The following DAB1 variants were observed in gnomAD, a reference collection of about 807,000 sequenced individuals.
DAB1 encodes disabled homolog 1.
In DAB1, 15 loss-of-function variants were observed where a neutral mutation model predicts 64.6. The observed-to-expected ratio is 0.23, with a 90% CI of 0.16 to 0.36. The LOEUF (loss-of-function observed/expected upper bound fraction) is 0.36, where lower values mean the gene tolerates loss of function less well. DAB1 is among the 10% of genes least tolerant of loss of function. DAB1 has a pLI of 1.00. For synonymous variants in DAB1, 235 were observed against 251.9 expected (o/e 0.93, Z 0.64); for missense variants, 596 against 706.7 (o/e 0.84, Z 1.78).
intron 3 of DAB1, among the ~76,000 whole-genome samples, chr1:58,460,501 G>A (rs1645233831): frequency 6.6e-6 from 1 of 152,168 alleles, no homozygotes; most frequent in African/African-American, 2.4e-5. Context: ...CTGAATTCCT[G>A]TCTCCCTTCC....
At chr1:57,317,162 C>A (rs1675283422) in intron 1 of DAB1, among the ~76,000 whole-genome samples, 1 of 152,106 alleles carries the variant, frequency 6.6e-6, no homozygotes, top group Non-Finnish European at 1.5e-5. Flanking sequence ...GGCAAACAGC[C>A]TAAGAAGAAC....
At chr1:57,303,896 T>G (rs766066015) in intron 1 of DAB1, among the ~76,000 whole-genome samples, 13 of 152,164 alleles carry the variant, frequency 8.5e-5, no homozygotes, top group Admixed American at 4.6e-4. Context: ...AACTCCCCCC[T>G]GCCTTACTGC....
At chr1:58,489,058 C>A (rs986808478) in intron 3 of DAB1, among the ~76,000 whole-genome samples, 3 of 152,220 alleles carry the variant, frequency 2.0e-5, no homozygotes, top group African/African-American at 7.2e-5. Context: ...AACTGAGGTA[C>A]TGGGTGCATC....
At chr1:58,126,276 C>T (rs1300913170) in intron 5 of DAB1, among the ~76,000 whole-genome samples, 1 of 152,160 alleles carries the variant, frequency 6.6e-6, no homozygotes, top group Admixed American at 6.5e-5. Flanking sequence ...CACACCAGCC[C>T]CTCAATACTT....
chr1:58,222,537 C>A (rs1360425820), intron 4 of DAB1, among the ~76,000 whole-genome samples: 1 of 152,236 alleles, frequency 6.6e-6, no homozygotes, highest in African/African-American at 2.4e-5. Flanking sequence ...CAATACCTTA[C>A]AATTTGTGAA....
intron 1 of DAB1, among the ~76,000 whole-genome samples, chr1:57,834,259 T>C (rs1033395481): frequency 2.0e-5 from 3 of 151,876 alleles, no homozygotes; most frequent in African/African-American, 7.2e-5. Flanking sequence ...TTTAAGGAAA[T>C]AAAAATTTTG....
In DAB1 at chr1:57,281,356, T is replaced by C. The variant is rs536039890; in HGVS notation, c.67+9608A>G. Among the ~76,000 whole-genome samples the C allele has an allele frequency of 5.9e-5, 9 of 152,204 alleles. No homozygotes were observed. The East Asian group carries it at 1.7e-3, about 29-fold the overall frequency. On this transcript the variant is annotated intron_variant, in intron 2 of 14. Transcript: ENST00000371236. Reference sequence around the variant, plus strand: ...TTCTGGAGAAAAGTAATCTTTAACTTGAGACTAAAGAATACATGGAGTTAG... The same window carrying C: ...TTCTGGAGAAAAGTAATCTTTAACTCGAGACTAAAGAATACATGGAGTTAG...
At chr1:57,186,652 C>A (rs562491289) in intron 2 of DAB1, among the ~76,000 whole-genome samples, 3 of 152,150 alleles carry the variant, frequency 2.0e-5, no homozygotes, top group African/African-American at 4.8e-5. Context: ...CTGAAATGCA[C>A]GCGTCAGCAT....
intron 7 of DAB1, among the ~76,000 whole-genome samples, chr1:57,577,492 C>T (rs554099698): frequency 6.5e-4 from 98 of 151,864 alleles, no homozygotes; most frequent in African/African-American, 2.3e-3. Context: ...AATTGATTAC[C>T]GAACACTAAA....
At chr1:58,326,367 T>C (rs560347274) in intron 4 of DAB1, among the ~76,000 whole-genome samples, 1 of 152,240 alleles carries the variant, frequency 6.6e-6, no homozygotes, top group Admixed American at 6.5e-5. Context: ...GCCAGGTTGA[T>C]TGAGTGCAGG....
At chr1:57,820,686 C>T (rs1172725839) in intron 6 of DAB1, among the ~76,000 whole-genome samples, 1 of 152,166 alleles carries the variant, frequency 6.6e-6, no homozygotes, top group Non-Finnish European at 1.5e-5. Flanking sequence ...TGTTACACAG[C>T]TTGCCTTTCC....
intron 4 of DAB1, among the ~76,000 whole-genome samples, chr1:58,268,582 A>C (rs1661231876): frequency 6.6e-6 from 1 of 152,192 alleles, no homozygotes; most frequent in Non-Finnish European, 1.5e-5. Flanking sequence ...ATATATATAA[A>C]GCCCCTGATT....
At chr1:58,116,774 A>G (rs551103808) in intron 5 of DAB1, among the ~76,000 whole-genome samples, 7 of 152,330 alleles carry the variant, frequency 4.6e-5, no homozygotes, top group African/African-American at 1.7e-4. Flanking sequence ...AACATCATGA[A>G]AAAAGAATAA....
intron 7 of DAB1, among the ~76,000 whole-genome samples, chr1:57,478,603 T>TC (rs1280208359): frequency 4.9e-5 from 7 of 142,330 alleles, no homozygotes; most frequent in Admixed American, 2.8e-4. Context: ...TTTTTTTTTT[T>TC]TTTTTTTGAG....
At chr1:58,050,034 T>C (rs911976544) in intron 5 of DAB1, among the ~76,000 whole-genome samples, 14 of 152,142 alleles carry the variant, frequency 9.2e-5, no homozygotes, top group African/African-American at 3.4e-4. Context: ...ACCATAACAA[T>C]GAGTAGAGAT....
chr1:58,505,718 C>T (rs910309465), intron 3 of DAB1, among the ~76,000 whole-genome samples: 2 of 152,064 alleles, frequency 1.3e-5, no homozygotes, highest in African/African-American at 4.8e-5. Context: ...AAGCTTAAAT[C>T]ACCAAGGAAA....
intron 2 of DAB1, among the ~76,000 whole-genome samples, chr1:58,526,982 AACTG>A (rs1329820652): frequency 1.3e-5 from 2 of 152,176 alleles, no homozygotes; most frequent in Non-Finnish European, 2.9e-5. Context: ...TCCAATCAAG[AACTG>A]ACTTTCTTTT....
At chr1:57,638,185 T>A (rs1244793118) in intron 7 of DAB1, among the ~76,000 whole-genome samples, 1 of 152,226 alleles carries the variant, frequency 6.6e-6, no homozygotes, top group Admixed American at 6.5e-5. Flanking sequence ...AGAATATGTT[T>A]AGATTAGTTT....
chr1:57,962,615 T>C (rs1353554063), intron 5 of DAB1, among the ~76,000 whole-genome samples: 2 of 152,158 alleles, frequency 1.3e-5, no homozygotes, highest in East Asian at 3.9e-4. Context: ...CTTGCACCTA[T>C]AATCCTGGCA....
Sources: allele counts gnomAD v4.1 joint callset (sites outside exome capture counted in the v4.1 genomes callset), GRCh38; gene constraint gnomAD v4.1.1; transcripts MANE v1.5; gene names NCBI Gene and HGNC (gene_info 2026-07-23, HGNC 2026-07-21).